Variants in SUPT3H observed in about 807,000 individuals in gnomAD.
SUPT3H encodes transcription initiation protein SPT3 homolog.
SUPT3H carries 44 observed loss-of-function variants against 44.3 expected under a neutral mutation model. That is an observed-to-expected ratio of 0.99 (90% confidence interval 0.78 to 1.28). The LOEUF is 1.28. Among genes scored for constraint, SUPT3H ranks in the 50% most tolerant of loss-of-function variants. The pLI, the probability that SUPT3H is intolerant of heterozygous loss-of-function variation, is 0.00. For synonymous variants in SUPT3H, 124 were observed against 125.6 expected, an observed-to-expected ratio of 0.99 and a Z score of 0.09; for missense variants, 380 against 387.1, an observed-to-expected ratio of 0.98 and a Z score of 0.15.
chr6:44,982,302 C>T (rs534366521), intron 6 of SUPT3H, among the ~76,000 whole-genome samples: 1 of 152,266 alleles, frequency 6.6e-6, no homozygotes, highest in Admixed American at 6.5e-5. Context: ...CAGCTCACTG[C>T]AAGCTCTGCC....
At chr6:44,944,762 C>A (rs1414877283) in intron 9 of SUPT3H, among the ~76,000 whole-genome samples, 9 of 29,890 alleles carry the variant, frequency 3.0e-4, no homozygotes, top group Admixed American at 5.4e-4. Context: ...ACCCTCTCTC[C>A]AAAAAAAAAA....
chr6:45,320,453 T>C (rs1785310724), intron 2 of SUPT3H, among the ~76,000 whole-genome samples: 1 of 151,382 alleles, frequency 6.6e-6, no homozygotes, highest in African/African-American at 2.4e-5. Context: ...ATTTTTTTTT[T>C]TTTCTGGTAG....
chr6:44,928,861 C>T (rs1769980402), intron 10 of SUPT3H, among the ~76,000 whole-genome samples: 1 of 85,250 alleles, frequency 1.2e-5, no homozygotes, highest in African/African-American at 5.7e-5. Context: ...CCCGCCTGGG[C>T]GACAGAACGA....
intron 4 of SUPT3H, among the ~76,000 whole-genome samples, chr6:45,020,154 A>G (rs988505941): frequency 1.3e-5 from 2 of 151,976 alleles, no homozygotes; most frequent in African/African-American, 4.8e-5. Context: ...GGCTTAAAAA[A>G]TTACTCTATG....
intron 6 of SUPT3H, among the ~76,000 whole-genome samples, chr6:44,987,221 C>A (rs982884999): frequency 1.4e-5 from 2 of 148,092 alleles, no homozygotes; most frequent in African/African-American, 5.0e-5. Context: ...CTAATTAACT[C>A]CCAAAGGTCC....
intron 2 of SUPT3H, among the ~76,000 whole-genome samples, chr6:45,291,449 A>T (rs1262421419): frequency 1.3e-5 from 2 of 152,206 alleles, no homozygotes; most frequent in African/African-American, 4.8e-5. Context: ...AACCAAGAAG[A>T]AATCCCTGAT....
At chr6:45,322,926 G>A (rs1037547434) in intron 2 of SUPT3H, 2 of 1,612,766 alleles carry the variant, frequency 1.2e-6, no homozygotes, top group Admixed American at 1.7e-5. Context: ...TGAGTCCATG[G>A]AGAAAAGCCA....
chr6:45,016,914 G>A (rs1321850824), intron 4 of SUPT3H, among the ~76,000 whole-genome samples: 12 of 150,834 alleles, frequency 8.0e-5, no homozygotes, highest in East Asian at 5.9e-4. Context: ...CTGAGGAATC[G>A]CCACACTGAC....
chr6:45,295,524 CAAAAAAAAAAAAAA>C (rs752887669), intron 2 of SUPT3H, among the ~76,000 whole-genome samples: 2 of 40,086 alleles, frequency 5.0e-5, no homozygotes, highest in African/African-American at 8.6e-5. Context: ...TTTTGCACAG[CAAAAAAAAAAAAAA>C]AAAAAAAAAA....
chr6:45,069,262 T>C (rs1225296223), intron 3 of SUPT3H, among the ~76,000 whole-genome samples: 1 of 152,192 alleles, frequency 6.6e-6, no homozygotes, highest in African/African-American at 2.4e-5. Context: ...AAAAACTTCA[T>C]GCAGAACGTG....
chr6:45,365,776 T>C (rs939610113), intron 1 of SUPT3H, among the ~76,000 whole-genome samples: 2 of 151,230 alleles, frequency 1.3e-5, no homozygotes, highest in African/African-American at 4.9e-5. Flanking sequence ...AAAGAAACAA[T>C]TCCACAGCTG....
intron 3 of SUPT3H, among the ~76,000 whole-genome samples, chr6:45,103,880 C>T (rs1798922921): frequency 1.3e-5 from 2 of 152,072 alleles, no homozygotes; most frequent in African/African-American, 4.8e-5. Flanking sequence ...AAATGAATAA[C>T]AGTTAACTTG....
chr6:44,958,821 T>C (rs1487002641), intron 7 of SUPT3H, among the ~76,000 whole-genome samples: 3 of 149,700 alleles, frequency 2.0e-5, no homozygotes, highest in African/African-American at 4.9e-5. Flanking sequence ...TACAGAGCTG[T>C]AGGAAAAAAT....
At chr6:45,362,813 A>G (rs1176204201) in intron 2 of SUPT3H, among the ~76,000 whole-genome samples, 1 of 151,532 alleles carries the variant, frequency 6.6e-6, no homozygotes, top group African/African-American at 2.4e-5. Flanking sequence ...TTAATAAGAA[A>G]GTGCTGAATT....
chr6:44,914,690 C>CT (rs1329312192), intron 10 of SUPT3H, among the ~76,000 whole-genome samples: 1 of 152,190 alleles, frequency 6.6e-6, no homozygotes, highest in Non-Finnish European at 1.5e-5. Context: ...AAATTGGACT[C>CT]TATCAGGTGG....
At chr6:45,352,528 T>C (rs1349485739) in intron 2 of SUPT3H, among the ~76,000 whole-genome samples, 1 of 152,056 alleles carries the variant, frequency 6.6e-6, no homozygotes, top group Non-Finnish European at 1.5e-5. Context: ...AAACAAAAAC[T>C]ATAAAAATAA....
At chr6:45,272,891 C>T (rs1424375467) in intron 2 of SUPT3H, among the ~76,000 whole-genome samples, 2 of 152,204 alleles carry the variant, frequency 1.3e-5, no homozygotes, top group African/African-American at 4.8e-5. Flanking sequence ...TGCTCTTGAC[C>T]AGTCTGCTTT....
At chr6:45,035,628 G>A (rs1483274677) in intron 3 of SUPT3H, among the ~76,000 whole-genome samples, 1 of 152,028 alleles carries the variant, frequency 6.6e-6, no homozygotes, top group Admixed American at 6.6e-5. Context: ...TTTAGTTAAT[G>A]TATTGCCACA....
chr6:45,277,150 ACT>A (rs2153664400), intron 2 of SUPT3H, among the ~76,000 whole-genome samples: 2 of 152,078 alleles, frequency 1.3e-5, no homozygotes, highest in East Asian at 3.9e-4. Flanking sequence ...TCATTTTGGG[ACT>A]CTCCATTTTA....
Sources: allele counts gnomAD v4.1 joint callset (sites outside exome capture counted in the v4.1 genomes callset), GRCh38; gene constraint gnomAD v4.1.1; transcripts MANE v1.5; gene names NCBI Gene and HGNC (gene_info 2026-07-23, HGNC 2026-07-21).